The following PTPRD variants were observed in gnomAD, a reference collection of about 807,000 sequenced individuals.
The protein encoded by PTPRD is protein tyrosine phosphatase receptor type D.
In PTPRD, 34 loss-of-function variants were observed where a neutral mutation model predicts 214.5. The observed-to-expected ratio is 0.16, with a 90% confidence interval of 0.12 to 0.21. The LOEUF is 0.21. Ranked by LOEUF, PTPRD falls within the 10% of genes least tolerant of loss-of-function variation. The pLI is 1.00. For missense variants in PTPRD, 2,545 were observed against 2,398.7 expected, an observed-to-expected ratio of 1.06 and a Z score of -1.27; for synonymous variants, 1,128 against 845.7, an observed-to-expected ratio of 1.33 and a Z score of -5.79.
At chr9:9,913,186 A>C (rs2079703830) in intron 5 of PTPRD, among the ~76,000 whole-genome samples, 1 of 152,192 alleles carries the variant, frequency 6.6e-6, no homozygotes, top group East Asian at 1.9e-4. Flanking sequence ...TGAAAAAAGA[A>C]AAGTATGTTA....
intron 4 of PTPRD, among the ~76,000 whole-genome samples, chr9:9,940,434 G>C (rs2091120337): frequency 4.6e-5 from 7 of 152,038 alleles, no homozygotes; most frequent in Admixed American, 4.6e-4. Flanking sequence ...TGAGTCTAAA[G>C]GAAAAACGGA....
intron 36 of PTPRD, among the ~76,000 whole-genome samples, chr9:8,395,839 T>C (rs1166561239): frequency 3.3e-5 from 5 of 152,162 alleles, no homozygotes; most frequent in East Asian, 3.9e-4. Flanking sequence ...AGACGGCTGA[T>C]TGAACTATCT....
chr9:10,375,643 A>T (rs2097713356), intron 2 of PTPRD, among the ~76,000 whole-genome samples: 1 of 152,034 alleles, frequency 6.6e-6, no homozygotes, highest in Non-Finnish European at 1.5e-5. Flanking sequence ...TTTAATAGGA[A>T]TTGTGAATAT....
chr9:8,779,505 T>C (rs1483137206), intron 11 of PTPRD, among the ~76,000 whole-genome samples: 1 of 152,108 alleles, frequency 6.6e-6, no homozygotes, highest in Non-Finnish European at 1.5e-5. Context: ...TTAGAAAGAA[T>C]GTAAAGCTAG....
At chr9:9,377,609 C>A (rs1425783727) in intron 9 of PTPRD, among the ~76,000 whole-genome samples, 1 of 152,074 alleles carries the variant, frequency 6.6e-6, no homozygotes, top group Non-Finnish European at 1.5e-5. Context: ...CATAATCCAA[C>A]CCCCAGCTTT....
chr9:8,343,689 T>C (rs1448949740), intron 39 of PTPRD, among the ~76,000 whole-genome samples: 2 of 152,002 alleles, frequency 1.3e-5, no homozygotes, highest in Non-Finnish European at 2.9e-5. Context: ...ATTATTAATT[T>C]AGGGCAGCCA....
chr9:10,472,845 A>G (rs973979440), intron 2 of PTPRD, among the ~76,000 whole-genome samples: 2 of 152,048 alleles, frequency 1.3e-5, no homozygotes, highest in African/African-American at 4.8e-5. Flanking sequence ...TTATAACTCA[A>G]GTTATTTAAA....
intron 2 of PTPRD, among the ~76,000 whole-genome samples, chr9:10,578,123 T>G (rs1004099197): frequency 6.6e-6 from 1 of 152,046 alleles, no homozygotes. Context: ...TTGGTTAGGT[T>G]GGTCTCAAAC....
At chr9:10,278,004 C>G (rs974020452) in intron 3 of PTPRD, among the ~76,000 whole-genome samples, 2 of 151,856 alleles carry the variant, frequency 1.3e-5, no homozygotes, top group Non-Finnish European at 1.5e-5. Flanking sequence ...ACTAAAAATA[C>G]AAAAAATTGG....
At chr9:9,076,330 G>A (rs570629062) in intron 10 of PTPRD, among the ~76,000 whole-genome samples, 11 of 152,068 alleles carry the variant, frequency 7.2e-5, no homozygotes, top group Admixed American at 2.6e-4. Context: ...ATTTTCCCCC[G>A]TTCTGTAGGT....
At chr9:8,564,658 C>A (rs1029408328) in intron 14 of PTPRD, among the ~76,000 whole-genome samples, 47 of 152,128 alleles carry the variant, frequency 3.1e-4, no homozygotes, top group African/African-American at 1.1e-3. Flanking sequence ...CAAGATCGTG[C>A]CACTGTACTC....
chr9:8,360,882 A>G (rs766793464), intron 39 of PTPRD, among the ~76,000 whole-genome samples: 1 of 152,212 alleles, frequency 6.6e-6, no homozygotes, highest in Non-Finnish European at 1.5e-5. Context: ...TAAAGAAACC[A>G]GTTAAACTTA....
intron 9 of PTPRD, among the ~76,000 whole-genome samples, chr9:9,196,189 G>A (rs530225322): frequency 5.9e-5 from 9 of 152,234 alleles, no homozygotes; most frequent in South Asian, 4.1e-4. Context: ...AAACTCACAC[G>A]ATCCAAAACA....
rs754569656 is a variant in PTPRD at position 8,315,027 on chromosome 9, T to C, written c.*2847A>G. On this transcript the variant is annotated 3_prime_UTR_variant, in exon 46 of 46. Coordinates refer to ENST00000381196, the MANE Select transcript of PTPRD (RefSeq NM_002839.4). ...ACCATTGTAACTAATTACAAAATTA[T>C]ACATAACTACACGTACATAGGTAAA... 3 of 232,390 alleles carry C rather than the reference T, an allele frequency of 1.3e-5. No homozygotes were observed. Among genetic ancestry groups the C allele is most frequent in the Non-Finnish European group, 2.6e-5 (3 of 117,294 alleles). 14.4% of individuals were successfully genotyped at this position (232,390 alleles called of 1,614,324 possible). A position where few individuals can be genotyped will look rare whatever the true frequency, so the allele number is the denominator to read the frequency against.
chr9:8,774,443 T>C (rs1479777616), intron 11 of PTPRD, among the ~76,000 whole-genome samples: 2 of 151,838 alleles, frequency 1.3e-5, no homozygotes, highest in Admixed American at 1.3e-4. Context: ...ACAGGGAGCT[T>C]TAGAGACTTT....
At chr9:8,339,301 C>CGAGTT (rs1340842059) in intron 42 of PTPRD, among the ~76,000 whole-genome samples, 1 of 152,084 alleles carries the variant, frequency 6.6e-6, no homozygotes, top group African/African-American at 2.4e-5. Context: ...TTAATATACA[C>CGAGTT]GAGTTGAATT....
chr9:9,498,423 C>A (rs2096278126), intron 8 of PTPRD, among the ~76,000 whole-genome samples: 1 of 152,038 alleles, frequency 6.6e-6, no homozygotes, highest in African/African-American at 2.4e-5. Flanking sequence ...TTGGACTTCA[C>A]CTGGGGTTTC....
intron 2 of PTPRD, among the ~76,000 whole-genome samples, chr9:10,389,879 T>A (rs557797113): frequency 6.6e-6 from 1 of 151,976 alleles, no homozygotes; most frequent in South Asian, 2.1e-4. Context: ...TGAAGGCACC[T>A]TTAGAAGTAG....
chr9:8,764,811 A>G (rs200178628), intron 11 of PTPRD, among the ~76,000 whole-genome samples: 182 of 29,030 alleles, frequency 6.3e-3, no homozygotes, highest in African/African-American at 0.012. Flanking sequence ...TAATAATGAT[A>G]ATAATAATAA....
Sources: allele counts gnomAD v4.1 joint callset (sites outside exome capture counted in the v4.1 genomes callset), GRCh38; gene constraint gnomAD v4.1.1; transcripts MANE v1.5; gene names NCBI Gene and HGNC (gene_info 2026-07-23, HGNC 2026-07-21).